Variants in SLC44A5 observed in about 807,000 individuals in gnomAD.
SLC44A5 encodes solute carrier family 44 member 5, also known as choline transporter-like protein 5.
A neutral mutation model predicts 101.8 loss-of-function variants in SLC44A5; 57 were observed. That is an observed-to-expected ratio of 0.56 (90% confidence interval 0.45 to 0.70). SLC44A5 has a LOEUF of 0.70. Among genes scored for constraint, SLC44A5 ranks in the 30% least tolerant of loss-of-function variants. SLC44A5 has a pLI of 0.00. For synonymous variants in SLC44A5, 281 were observed against 290.9 expected, an observed-to-expected ratio of 0.97 and a Z score of 0.35; for missense variants, 737 against 853.1, an observed-to-expected ratio of 0.86 and a Z score of 1.70.
At chr1:75,279,780 G>A (rs1652247572) in intron 5 of SLC44A5, among the ~76,000 whole-genome samples, 1 of 132,142 alleles carries the variant, frequency 7.6e-6, no homozygotes, top group Non-Finnish European at 1.6e-5. Flanking sequence ...TTATTTCAGG[G>A]TTTTGGGAGA....
At chr1:75,575,162 TC>T (rs1330527267) in intron 1 of SLC44A5, among the ~76,000 whole-genome samples, 12 of 152,238 alleles carry the variant, frequency 7.9e-5, no homozygotes, top group African/African-American at 2.9e-4. Flanking sequence ...TAATCAAGTT[TC>T]TTAACTCTGT....
intron 3 of SLC44A5, among the ~76,000 whole-genome samples, chr1:75,390,893 T>C (rs1661742385): frequency 6.6e-6 from 1 of 152,046 alleles, no homozygotes; most frequent in Admixed American, 6.5e-5. Context: ...AGGAAAAGAA[T>C]ATGTAAAATT....
chr1:75,331,335 G>A (rs1005488713), intron 4 of SLC44A5, among the ~76,000 whole-genome samples: 1 of 152,022 alleles, frequency 6.6e-6, no homozygotes, highest in African/African-American at 2.4e-5. Flanking sequence ...TACTATAGGG[G>A]AGCATCATCC....
intron 5 of SLC44A5, among the ~76,000 whole-genome samples, chr1:75,278,768 C>T (rs112611115): frequency 6.6e-6 from 1 of 152,112 alleles, no homozygotes; most frequent in African/African-American, 2.4e-5. Flanking sequence ...AAATCAAATA[C>T]AACAAGTGGT....
chr1:75,621,754 A>G, the SLC44A5 span, among the ~76,000 whole-genome samples: 1 of 152,306 alleles, frequency 6.6e-6, no homozygotes, highest in African/African-American at 2.4e-5. Context: ...CAAAAAAATC[A>G]TAATATTCAC....
chr1:75,386,440 G>C (rs1163012378), intron 3 of SLC44A5, among the ~76,000 whole-genome samples: 1 of 152,104 alleles, frequency 6.6e-6, no homozygotes, highest in African/African-American at 2.4e-5. Context: ...GCCAAATCAT[G>C]AGTGAAATCC....
Position 75,430,068 on chromosome 1 carries a change from G to A in SLC44A5, c.14-33447C>T, listed in dbSNP as rs566249003. The stretch of plus-strand genomic sequence containing the variant: ...TGGAGCAAAGTCATTGCTGTGGTCT[G>A]AATGTGTCCCCCAACATTTATGTGT... On this transcript the variant is annotated intron_variant, in intron 2 of 23. Transcript: ENST00000370859. 5.9e-5 allele frequency among the ~76,000 whole-genome samples: 9 copies of A among 152,276 alleles called. No individual in the cohort carries two copies. The South Asian group carries it at 1.5e-3, about 25-fold the overall frequency.
rs1257838663 is a variant in SLC44A5, at chr1:75,213,965, T to C, written c.1827A>G (p.Thr609=). Residue 609 remains threonine, a synonymous_variant, in exon 21 of 24, where the codon ACA becomes ACG. Transcript: ENST00000370859. ...GTTTCCCCAGGAATAATACAAAGTATGTAACTTCATCTGTAACTGCAACTC... is the reference window on the plus strand; with the variant it reads ...GTTTCCCCAGGAATAATACAAAGTACGTAACTTCATCTGTAACTGCAACTC... ...VLKVAVTDEV[T]YFVLFLGKLL... 1.3e-6 allele frequency: 2 copies of C among 1,594,954 alleles called. No homozygotes were observed. The highest frequency in any genetic ancestry group is 1.3e-5 in the African/African-American group (1 of 74,230).
intron 6 of SLC44A5, among the ~76,000 whole-genome samples, chr1:75,253,562 A>G (rs981338840): frequency 6.6e-6 from 1 of 152,194 alleles, no homozygotes; most frequent in Non-Finnish European, 1.5e-5. Context: ...TAACTTGGCT[A>G]TTTCACCACC....
chr1:75,226,474 G>A (rs1012256300), intron 13 of SLC44A5, among the ~76,000 whole-genome samples: 1 of 152,090 alleles, frequency 6.6e-6, no homozygotes, highest in Non-Finnish European at 1.5e-5. Context: ...TTGGTCACCA[G>A]GAGACTATCC....
the SLC44A5 span, among the ~76,000 whole-genome samples, chr1:75,670,597 C>G: frequency 5.9e-5 from 9 of 152,266 alleles, no homozygotes; most frequent in African/African-American, 1.9e-4. Flanking sequence ...TTAAAATAGA[C>G]TGTCCCAACT....
chr1:75,338,671 T>C (rs1657631596), intron 4 of SLC44A5, among the ~76,000 whole-genome samples: 2 of 152,194 alleles, frequency 1.3e-5, no homozygotes. Flanking sequence ...ATTCTAAGTA[T>C]ACCTTTAAAT....
intron 3 of SLC44A5, among the ~76,000 whole-genome samples, chr1:75,386,815 C>A (rs1388895898): frequency 6.6e-6 from 1 of 151,972 alleles, no homozygotes; most frequent in Non-Finnish European, 1.5e-5. Flanking sequence ...AACTATACTA[C>A]AAGGCTACAG....
chr1:75,277,372 C>T (rs545983758), intron 5 of SLC44A5, among the ~76,000 whole-genome samples: 19 of 152,130 alleles, frequency 1.2e-4, no homozygotes, highest in Admixed American at 1.0e-3. Flanking sequence ...TTACTTTCAC[C>T]TGAATGGTAT....
At chr1:75,683,826 C>T in the SLC44A5 span, among the ~76,000 whole-genome samples, 35 of 151,860 alleles carry the variant, frequency 2.3e-4, no homozygotes, top group Non-Finnish European at 4.6e-4. Context: ...AGAAGAAACA[C>T]ATTTCCTCTA....
At chr1:75,564,688 C>T (rs908913563) in intron 1 of SLC44A5, among the ~76,000 whole-genome samples, 4 of 151,338 alleles carry the variant, frequency 2.6e-5, no homozygotes, top group Middle Eastern at 3.4e-3. Flanking sequence ...GGCACCATAT[C>T]GGCTCACTGC....
chr1:75,457,810 T>C (rs1666271084), intron 2 of SLC44A5, among the ~76,000 whole-genome samples: 3 of 151,636 alleles, frequency 2.0e-5, no homozygotes, highest in African/African-American at 7.3e-5. Flanking sequence ...TGAACTGAGA[T>C]TGCACCACTG....
chr1:75,217,561 G>T (rs1646987673), intron 18 of SLC44A5, among the ~76,000 whole-genome samples: 1 of 152,022 alleles, frequency 6.6e-6, no homozygotes. Context: ...TCTCCATCAT[G>T]CTTCTCAACA....
At position 75,243,031 on chromosome 1, in the gene SLC44A5, T is replaced by G. The variant is rs1344906321; in HGVS notation, c.346-20A>C. ...ACAGATCTGTGAACGAACAAAGTGA[T>G]GAGAACTGAACTGAGTTGAACAAAC... On this transcript the variant is annotated intron_variant, in intron 7 of 23. Coordinates refer to ENST00000370859, the MANE Select transcript of SLC44A5 (RefSeq NM_001130058.2). 1.2e-6 allele frequency: 2 copies of G among 1,607,138 alleles called. No individual in the cohort carries two copies. Among genetic ancestry groups the G allele is most frequent in the Middle Eastern group, 1.7e-4 (1 of 6,018 alleles).
Sources: gnomAD v4.1 joint callset for allele counts (sites outside exome capture counted in the v4.1 genomes callset) on GRCh38, gnomAD v4.1.1 for gene constraint, MANE v1.5 for transcripts, NCBI Gene and HGNC (gene_info 2026-07-23, HGNC 2026-07-21) for gene names.